Variants in CELF2 observed in about 807,000 individuals in gnomAD.
CELF2 encodes the protein CUGBP Elav-like family member 2, also known as CUG triplet repeat RNA-binding protein 2.
CELF2 carries 8 observed loss-of-function variants against 62.6 expected under a neutral mutation model. That is an observed-to-expected ratio of 0.13 (90% CI 0.07 to 0.23). The LOEUF (loss-of-function observed/expected upper bound fraction) is 0.23, where lower values mean the gene tolerates loss of function less well. CELF2 is among the 10% of genes least tolerant of loss of function. The probability of loss-of-function intolerance (pLI) is 1.00; values close to 1 mark genes in which losing one functional copy is unlikely to be tolerated. For missense variants in CELF2, 333 were observed against 671.0 expected (o/e 0.50, Z 5.56); for synonymous variants, 258 against 250.0 (o/e 1.03, Z -0.30).
chr10:10,607,013 A>T, the CELF2 span, among the ~76,000 whole-genome samples: 1 of 152,198 alleles, frequency 6.6e-6, no homozygotes, highest in Non-Finnish European at 1.5e-5. Context: ...AGAAAAAAAC[A>T]AAGAAAAATA....
chr10:11,185,059 T>C (rs2074471327), intron 2 of CELF2, among the ~76,000 whole-genome samples: 1 of 152,256 alleles, frequency 6.6e-6, no homozygotes, highest in Non-Finnish European at 1.5e-5. Flanking sequence ...CTTCCTGTTT[T>C]GCTGAGAATT....
intron 2 of CELF2, among the ~76,000 whole-genome samples, chr10:10,950,782 G>A (rs905080457): frequency 4.6e-5 from 7 of 152,354 alleles, no homozygotes; most frequent in Middle Eastern, 3.4e-3. Flanking sequence ...TAAGACAGAA[G>A]AGCAGCAGCT....
chr10:11,172,750 A>G lies in CELF2; in HGVS notation c.271+7068A>G, dbSNP rs537915244. On this transcript the variant is annotated intron_variant, in intron 2 of 12. Transcript: ENST00000633077. ...AGAGCGAGCTAATATCAAAGAAGAA[A>G]AGAAATTACTCCTGGCCGCTTTTAA... Among the ~76,000 whole-genome samples, 39 of 152,346 alleles carry G rather than the reference A, an allele frequency of 2.6e-4. No homozygotes were observed. In the South Asian group the frequency reaches 3.3e-3, roughly 13 times the overall value.
At chr10:11,225,421 C>A (rs1237387028) in intron 3 of CELF2, among the ~76,000 whole-genome samples, 4 of 152,212 alleles carry the variant, frequency 2.6e-5, no homozygotes, top group African/African-American at 4.8e-5. Context: ...CAAAACTCTT[C>A]TTTGCTGTCC....
chr10:11,005,244 CAG>C (rs2054982570), upstream of CELF2: 3 of 1,421,892 alleles, frequency 2.1e-6, no homozygotes, highest in Non-Finnish European at 2.8e-6. This position sits in a 1 kb window ranked among gnomAD's most constrained non-coding sequence, Gnocchi z 4.3. Context: ...AGTGGGAAGA[CAG>C]AGAGAGAGGG....
chr10:11,081,628 A>G (rs2141421176), intron 1 of CELF2, among the ~76,000 whole-genome samples: 1 of 152,362 alleles, frequency 6.6e-6, no homozygotes, highest in East Asian at 1.9e-4. Context: ...TTCACGTGTT[A>G]GAACCTCTGG....
At chr10:10,562,715 C>T in the CELF2 span, among the ~76,000 whole-genome samples, 1 of 144,534 alleles carries the variant, frequency 6.9e-6, no homozygotes, top group Non-Finnish European at 1.5e-5. Flanking sequence ...TCCTTTCCCT[C>T]CTCTGTCTTC....
the CELF2 span, among the ~76,000 whole-genome samples, chr10:10,621,574 G>C: frequency 6.6e-6 from 1 of 152,150 alleles, no homozygotes; most frequent in African/African-American, 2.4e-5. Flanking sequence ...CCTTTCTGAA[G>C]GGTACCCACA....
intron 1 of CELF2, among the ~76,000 whole-genome samples, chr10:11,123,710 T>A (rs1413278668): frequency 6.6e-6 from 1 of 152,176 alleles, no homozygotes; most frequent in Non-Finnish European, 1.5e-5. Flanking sequence ...TGCTGCGCAG[T>A]GGCCATTACT....
the CELF2 span, among the ~76,000 whole-genome samples, chr10:10,577,965 C>A: frequency 0.011 from 1,716 of 152,312 alleles, 63 homozygotes; most frequent in East Asian, 0.098. Context: ...AACTAGTTTA[C>A]AATCCCACCA....
At chr10:10,494,119 G>A in the CELF2 span, among the ~76,000 whole-genome samples, 5 of 152,282 alleles carry the variant, frequency 3.3e-5, no homozygotes, top group Admixed American at 6.5e-5. Flanking sequence ...TGCCTGGCAC[G>A]GAATGAATGC....
At chr10:10,866,614 A>G (rs1365184708) in intron 1 of CELF2, among the ~76,000 whole-genome samples, 1 of 147,656 alleles carries the variant, frequency 6.8e-6, no homozygotes, top group African/African-American at 2.5e-5. Context: ...TCTCAAAAAA[A>G]AAAAAAAAAA....
At chr10:10,490,233 A>G in the CELF2 span, among the ~76,000 whole-genome samples, 2 of 152,130 alleles carry the variant, frequency 1.3e-5, no homozygotes, top group African/African-American at 4.8e-5. Flanking sequence ...ATTAGAAACA[A>G]TCCTATTATT....
chr10:10,555,881 T>C, the CELF2 span, among the ~76,000 whole-genome samples: 2 of 152,314 alleles, frequency 1.3e-5, no homozygotes, highest in South Asian at 2.1e-4. Context: ...CAGGCCCTAA[T>C]TGTTTCTGTT....
At chr10:10,540,002 T>C in the CELF2 span, among the ~76,000 whole-genome samples, 1 of 152,168 alleles carries the variant, frequency 6.6e-6, no homozygotes, top group Non-Finnish European at 1.5e-5. Context: ...AAGGGAGAAT[T>C]GGACTTTGCT....
chr10:10,876,167 A>G (rs1241411524), intron 1 of CELF2, among the ~76,000 whole-genome samples: 1 of 152,162 alleles, frequency 6.6e-6, no homozygotes, highest in Non-Finnish European at 1.5e-5. Context: ...GTTTGTGCAA[A>G]GGACCACATA....
intron 1 of CELF2, among the ~76,000 whole-genome samples, chr10:11,100,622 C>T (rs1401746305): frequency 1.3e-5 from 2 of 152,022 alleles, no homozygotes; most frequent in Non-Finnish European, 1.5e-5. Flanking sequence ...CCATCTGACA[C>T]GCTTCATACC....
the CELF2 span, among the ~76,000 whole-genome samples, chr10:10,656,803 A>G: frequency 1.8e-4 from 26 of 146,854 alleles, no homozygotes; most frequent in Non-Finnish European, 3.6e-4. Flanking sequence ...GCGCACCAGC[A>G]TGGCACATGT....
intron 1 of CELF2, among the ~76,000 whole-genome samples, chr10:11,103,989 C>G (rs1478500412): frequency 3.6e-5 from 5 of 138,664 alleles, no homozygotes; most frequent in African/African-American, 1.4e-4. Context: ...ATGGTCAGTT[C>G]TGTTTTTATT....
Sources: gnomAD v4.1 joint callset for allele counts (sites outside exome capture counted in the v4.1 genomes callset) on GRCh38, gnomAD v4.1.1 for gene constraint, Gnocchi (gnomAD v3.1) non-coding constraint, MANE v1.5 for transcripts, NCBI Gene and HGNC (gene_info 2026-07-23, HGNC 2026-07-21) for gene names.